H2BC7: variants seen among roughly 807,000 people sequenced by gnomAD.
H2BC7 encodes H2B clustered histone 7, also known as histone H2B type 1-C/E/F/G/I.
A neutral mutation model predicts 6.0 loss-of-function variants in H2BC7; 15 were observed. That is an observed-to-expected ratio of 2.48 (90% confidence interval 1.66 to 3.82). The LOEUF (loss-of-function observed/expected upper bound fraction) is 3.82. Among genes scored for constraint, H2BC7 ranks in the 30% most tolerant of loss-of-function variants. H2BC7 has a pLI of 0.00. For synonymous variants in H2BC7, 148 were observed against 70.7 expected, an observed-to-expected ratio of 2.09 and a Z score of -5.49; for missense variants, 227 against 169.4, an observed-to-expected ratio of 1.34 and a Z score of -1.89.
Position 26,199,590 on chromosome 6 carries a change from C to CA in H2BC7, c.38dup (p.Ser15LeufsTer14). The CA allele has an allele frequency of 6.2e-7, 1 of 1,614,048 alleles. No individual in the cohort carries two copies. Among genetic ancestry groups the CA allele is most frequent in the Admixed American group, 1.7e-5 (1 of 60,000 alleles). ...GAACCTGCTAAGTCCGCTCCTGCTC[C>CA]AAAAAAGGGCTCCAAAAAGGCGGTG... On this transcript the variant is annotated frameshift_variant, in exon 1 of 1. Transcript: ENST00000356530. LOFTEE classifies it high-confidence loss of function.
chr6:26,199,516 A>G lies in H2BC7; in HGVS notation c.-43A>G. 1 of 1,595,792 alleles carries G rather than the reference A, an allele frequency of 6.3e-7. No individual in the cohort carries two copies. The highest frequency in any genetic ancestry group is 1.4e-5 in the African/African-American group (1 of 73,748). ...ATATTACCAGCTGCAGAGTGAGGAC[A>G]CTTGCATTTCTCTTTAGGTTGTGGA... On this transcript the variant is annotated 5_prime_UTR_variant, in exon 1 of 1. Transcript: ENST00000356530.
rs775078561 is a variant in H2BC7 at position 26,199,838 on chromosome 6, G to A, written c.280G>A (p.Glu94Lys). 6 of 1,614,252 alleles carry A rather than the reference G, an allele frequency of 3.7e-6. No homozygotes were observed. Among genetic ancestry groups the A allele is most frequent in the South Asian group, 3.3e-5 (3 of 91,088 alleles). ...CAAGCGCTCCACCATCACCTCCAGG[G>A]AGATCCAGACGGCCGTACGCCTGCT... ...YNKRSTITSREIQTAVRLLLP... is the reference protein window; with the variant it reads ...YNKRSTITSRKIQTAVRLLLP... Residue 94 changes from glutamate to lysine, a missense_variant, in exon 1 of 1, where the codon GAG becomes AAG. Glu to Lys is a moderately conservative substitution (Grantham distance 56, BLOSUM62 1). Transcript: ENST00000356530.
rs532385088 is a variant in H2BC7 at position 26,199,585 on chromosome 6, T to G, written c.27T>G (p.Pro9=). Residue 9 remains proline, a synonymous_variant, in exon 1 of 1, where the codon CCT becomes CCG. Transcript: ENST00000356530. ...TGCCTGAACCTGCTAAGTCCGCTCC[T>G]GCTCCAAAAAAGGGCTCCAAAAAGG... MPEPAKSA[P]APKKGSKKAV... is the part of the protein sequence containing the mutation. The G allele has an allele frequency of 2.0e-5, 32 of 1,614,150 alleles. 1 individual carries two copies. In the South Asian group the frequency reaches 3.1e-4, roughly 16 times the overall value.
In H2BC7 at chr6:26,199,610, G is replaced by A. The variant is rs1196941423; in HGVS notation, c.52G>A (p.Ala18Thr). 2 of 1,614,218 alleles carry A rather than the reference G, an allele frequency of 1.2e-6. No individual in the cohort carries two copies. The highest frequency in any genetic ancestry group is 1.1e-5 in the South Asian group (1 of 91,084). Reference sequence around the variant, plus strand: ...TGCTCCAAAAAAGGGCTCCAAAAAGGCGGTGACCAAGGCGCAGAAGAAGGA... The same window carrying A: ...TGCTCCAAAAAAGGGCTCCAAAAAGACGGTGACCAAGGCGCAGAAGAAGGA... Reference protein sequence around the residue: ...APAPKKGSKKAVTKAQKKDGK... With the variant: ...APAPKKGSKKTVTKAQKKDGK... Residue 18 changes from alanine (A) to threonine (T), a missense_variant, in exon 1 of 1, where the codon GCG (alanine) becomes ACG (threonine). Transcript: ENST00000356530.
rs1171996320 is a variant in H2BC7 at position 26,199,620 on chromosome 6, A to G, written c.62A>G (p.Lys21Arg). The change falls in exon 1 of 1, where the codon AAG becomes AGG. Residue 21 changes from lysine to arginine, a missense_variant. By Grantham distance (26) the Lys-to-Arg change is conservative (BLOSUM62 2). Transcript: ENST00000356530. ...PKKGSKKAVT[K>R]AQKKDGKKRK... ...AAGGGCTCCAAAAAGGCGGTGACCA[A>G]GGCGCAGAAGAAGGATGGTAAGAAG... is the stretch of plus-strand genomic sequence containing the variant. 2 of 1,614,254 alleles carry G rather than the reference A, an allele frequency of 1.2e-6. No homozygotes were observed. Among genetic ancestry groups the G allele is most frequent in the South Asian group, 2.2e-5 (2 of 91,088 alleles).
rs1765088617 is a variant in H2BC7, at chr6:26,199,718, G to A, written c.160G>A (p.Gly54Ser). The A allele has an allele frequency of 1.2e-6, 2 of 1,614,220 alleles. No homozygotes were observed. Among genetic ancestry groups the A allele is most frequent in the Non-Finnish European group, 1.7e-6 (2 of 1,180,040 alleles). ...GCTAAAGCAGGTCCACCCCGACACCGGCATCTCATCCAAGGCCATGGGCAT... is the reference window on the plus strand; with the variant it reads ...GCTAAAGCAGGTCCACCCCGACACCAGCATCTCATCCAAGGCCATGGGCAT... Reference protein sequence around the residue: ...KVLKQVHPDTGISSKAMGIMN... With the variant: ...KVLKQVHPDTSISSKAMGIMN... The change falls in exon 1 of 1, where the codon GGC (glycine) becomes AGC (serine). Residue 54 changes from glycine (G) to serine (S), a missense_variant. Transcript: ENST00000356530.
Position 26,199,853 on chromosome 6 carries a change from G to T in H2BC7, c.295G>T (p.Val99Leu), listed in dbSNP as rs751119821. 1 of 1,614,208 alleles carries T rather than the reference G, an allele frequency of 6.2e-7. No homozygotes were observed. Among genetic ancestry groups the T allele is most frequent in the Non-Finnish European group, 8.5e-7 (1 of 1,180,030 alleles). ...TITSREIQTA[V>L]RLLLPGELAK... ...CACCTCCAGGGAGATCCAGACGGCC[G>T]TACGCCTGCTGCTGCCCGGGGAGCT... The change falls in exon 1 of 1, where the codon GTA becomes TTA. Residue 99 changes from valine to leucine, a missense_variant. Coordinates refer to ENST00000356530, the MANE Select transcript of H2BC7 (RefSeq NM_003522.4).
At position 26,199,543 on chromosome 6, in the gene H2BC7, G is replaced by C. The variant is rs527678302; in HGVS notation, c.-16G>C. On this transcript the variant is annotated 5_prime_UTR_variant, in exon 1 of 1. Transcript: ENST00000356530. ...TTGCATTTCTCTTTAGGTTGTGGAC[G>C]AAGTGTTTATTTATCATGCCTGAAC... 6.2e-7 allele frequency: 1 copy of C among 1,609,408 alleles called. No homozygotes were observed. The highest frequency in any genetic ancestry group is 1.1e-5 in the South Asian group (1 of 90,536).
At position 26,199,586 on chromosome 6, in the gene H2BC7, G is replaced by C; in HGVS notation, c.28G>C (p.Ala10Pro). The change falls in exon 1 of 1, where the codon GCT becomes CCT. Residue 10 changes from alanine to proline, a missense_variant. Coordinates refer to ENST00000356530, the MANE Select transcript of H2BC7 (RefSeq NM_003522.4). ...GCCTGAACCTGCTAAGTCCGCTCCT[G>C]CTCCAAAAAAGGGCTCCAAAAAGGC... MPEPAKSAPAPKKGSKKAVT... is the reference protein window; with the variant it reads MPEPAKSAPPPKKGSKKAVT... The C allele has an allele frequency of 6.2e-7, 1 of 1,614,126 alleles. No homozygotes were observed. Among genetic ancestry groups the C allele is most frequent in the Non-Finnish European group, 8.5e-7 (1 of 1,180,008 alleles).
chr6:26,199,870 C>G lies in H2BC7; in HGVS notation c.312C>G (p.Pro104=), dbSNP rs150095875. 267 of 1,614,106 alleles carry G rather than the reference C, an allele frequency of 1.7e-4. No homozygotes were observed. Among genetic ancestry groups the G allele is most frequent in the Non-Finnish European group, 2.1e-4 (252 of 1,180,042 alleles). The change falls in exon 1 of 1, where the codon CCC becomes CCG. Residue 104 remains proline (P), a synonymous_variant. Coordinates refer to ENST00000356530, the MANE Select transcript of H2BC7 (RefSeq NM_003522.4). The part of the protein sequence containing the change: ...EIQTAVRLLL[P]GELAKHAVSE... ...AGACGGCCGTACGCCTGCTGCTGCC[C>G]GGGGAGCTGGCTAAGCACGCCGTGT...
Position 26,199,849 on chromosome 6 carries a change from G to T in H2BC7, c.291G>T (p.Thr97=). ...CCATCACCTCCAGGGAGATCCAGACGGCCGTACGCCTGCTGCTGCCCGGGG... is the reference window on the plus strand; with the variant it reads ...CCATCACCTCCAGGGAGATCCAGACTGCCGTACGCCTGCTGCTGCCCGGGG... ...RSTITSREIQ[T]AVRLLLPGEL... is the part of the protein sequence containing the mutation. The change falls in exon 1 of 1, where the codon ACG becomes ACT. Residue 97 remains threonine (T), a synonymous_variant. Transcript: ENST00000356530. 6.2e-7 allele frequency: 1 copy of T among 1,614,236 alleles called. No homozygotes were observed. The highest frequency in any genetic ancestry group is 1.1e-5 in the South Asian group (1 of 91,086).
Position 26,199,641 on chromosome 6 carries a change from A to C in H2BC7, c.83A>C (p.Lys28Thr), listed in dbSNP as rs200762201. Residue 28 changes from lysine to threonine, a missense_variant, in exon 1 of 1, where the codon AAG (lysine) becomes ACG (threonine). Lys to Thr is a moderately conservative substitution (Grantham distance 78). Transcript: ENST00000356530. ...ACCAAGGCGCAGAAGAAGGATGGTA[A>C]GAAGCGCAAGCGTAGCCGCAAGGAG... ...AVTKAQKKDG[K>T]KRKRSRKESY... is the part of the protein sequence containing the mutation. The C allele has an allele frequency of 6.2e-7, 1 of 1,614,268 alleles. No individual in the cohort carries two copies. The highest frequency in any genetic ancestry group is 8.5e-7 in the Non-Finnish European group (1 of 1,180,050).
At position 26,199,620 on chromosome 6, in the gene H2BC7, A is replaced by C. The variant is rs1171996320; in HGVS notation, c.62A>C (p.Lys21Thr). Residue 21 changes from lysine (K) to threonine (T), a missense_variant, in exon 1 of 1, where the codon AAG becomes ACG. Lys to Thr is a moderately conservative substitution (Grantham distance 78). Coordinates refer to ENST00000356530, the MANE Select transcript of H2BC7 (RefSeq NM_003522.4). ...AAGGGCTCCAAAAAGGCGGTGACCA[A>C]GGCGCAGAAGAAGGATGGTAAGAAG... ...PKKGSKKAVT[K>T]AQKKDGKKRK... 6.2e-6 allele frequency: 10 copies of C among 1,614,254 alleles called. No homozygotes were observed. The highest frequency in any genetic ancestry group is 7.6e-6 in the Non-Finnish European group (9 of 1,180,038).
In H2BC7 at chr6:26,199,756, C is replaced by G. The variant is rs904342610; in HGVS notation, c.198C>G (p.Phe66Leu). The G allele has an allele frequency of 1.2e-6, 2 of 1,614,266 alleles. No individual in the cohort carries two copies. Among genetic ancestry groups the G allele is most frequent in the South Asian group, 1.1e-5 (1 of 91,084 alleles). The change falls in exon 1 of 1, where the codon TTC becomes TTG. Residue 66 changes from phenylalanine (F) to leucine (L), a missense_variant. Transcript: ENST00000356530. The part of the protein sequence containing the change: ...SSKAMGIMNS[F>L]VNDIFERIAG... ...AGGCCATGGGCATCATGAACTCCTT[C>G]GTCAACGATATCTTCGAGCGCATCG... is the stretch of plus-strand genomic sequence containing the variant.
chr6:26,199,816 G>A lies in H2BC7; in HGVS notation c.258G>A (p.Lys86=). Reference sequence around the variant, plus strand: ...CTTCCCGCCTGGCGCATTACAACAAGCGCTCCACCATCACCTCCAGGGAGA... The same window carrying A: ...CTTCCCGCCTGGCGCATTACAACAAACGCTCCACCATCACCTCCAGGGAGA... ...GEASRLAHYN[K]RSTITSREIQ... Residue 86 remains lysine (K), a synonymous_variant, in exon 1 of 1, where the codon AAG becomes AAA. Transcript: ENST00000356530. The A allele has an allele frequency of 6.2e-7, 1 of 1,614,228 alleles. No homozygotes were observed.
Position 26,199,717 on chromosome 6 carries a change from CG to C in H2BC7, c.161del (p.Gly54AlafsTer10), listed in dbSNP as rs1765088661. The C allele has an allele frequency of 6.2e-7, 1 of 1,614,244 alleles. No homozygotes were observed. The highest frequency in any genetic ancestry group is 8.5e-7 in the Non-Finnish European group (1 of 1,180,046). On this transcript the variant is annotated frameshift_variant, in exon 1 of 1. Transcript: ENST00000356530. LOFTEE classifies it high-confidence loss of function. ...TGCTAAAGCAGGTCCACCCCGACAC[CG>C]GCATCTCATCCAAGGCCATGGGCAT... Reference protein sequence around the residue: ...KVLKQVHPDTGISSKAMGIMN... With the variant: ...KVLKQVHPDTXISSKAMGIMN...
In H2BC7 at chr6:26,199,687, C is replaced by G. The variant is rs928972145; in HGVS notation, c.129C>G (p.Tyr43Ter). The G allele has an allele frequency of 6.2e-7, 1 of 1,614,124 alleles. No individual in the cohort carries two copies. Among genetic ancestry groups the G allele is most frequent in the Admixed American group, 1.7e-5 (1 of 60,014 alleles). ...AGGAGAGCTATTCCGTGTACGTGTA[C>G]AAGGTGCTAAAGCAGGTCCACCCCG... ...SRKESYSVYV[Y>*]KVLKQVHPDT... The change falls in exon 1 of 1, where the codon TAC (tyrosine) becomes TAG (stop). Residue 43 changes from tyrosine to a stop codon, truncating the protein, a stop_gained. Coordinates refer to ENST00000356530, the MANE Select transcript of H2BC7 (RefSeq NM_003522.4). LOFTEE classifies it high-confidence loss of function.
Position 26,199,947 on chromosome 6 carries a change from G to T in H2BC7, c.*8G>T, listed in dbSNP as rs188659201. The T allele has an allele frequency of 5.3e-3, 8,614 of 1,614,020 alleles. 49 individuals are homozygous for T. Among genetic ancestry groups the T allele is most frequent in the Middle Eastern group, 0.011 (68 of 6,062 alleles). ...TACACCAGCTCTAAGTAATTCTAAC[G>T]TCTTCATACCCAATCCCAAAGGCTC... is the stretch of plus-strand genomic sequence containing the variant. On this transcript the variant is annotated 3_prime_UTR_variant, in exon 1 of 1. Transcript: ENST00000356530.
At position 26,199,589 on chromosome 6, in the gene H2BC7, C is replaced by G. The variant is rs80084141; in HGVS notation, c.31C>G (p.Pro11Ala). Residue 11 changes from proline (P) to alanine (A), a missense_variant, in exon 1 of 1, where the codon CCA becomes GCA. Physicochemically the swap from Pro to Ala is conservative, Grantham distance 27 (BLOSUM62 -1). Transcript: ENST00000356530. MPEPAKSAPA[P>A]KKGSKKAVTK... ...TGAACCTGCTAAGTCCGCTCCTGCT[C>G]CAAAAAAGGGCTCCAAAAAGGCGGT... The G allele has an allele frequency of 1.9e-6, 3 of 1,614,098 alleles. No individual in the cohort carries two copies. The highest frequency in any genetic ancestry group is 2.2e-5 in the East Asian group (1 of 44,886).
Sources: allele counts gnomAD v4.1 joint callset, GRCh38; gene constraint gnomAD v4.1.1; transcripts MANE v1.5; gene names NCBI Gene and HGNC (gene_info 2026-07-23, HGNC 2026-07-21).